Variants in PAFAH1B1 observed in about 807,000 individuals in gnomAD.
PAFAH1B1 encodes the protein platelet-activating factor acetylhydrolase IB subunit beta.
A neutral mutation model predicts 57.5 loss-of-function variants in PAFAH1B1; 2 were observed. The observed-to-expected ratio is 0.03, with a 90% CI of 0.01 to 0.11. The LOEUF is 0.11. Ranked by LOEUF, PAFAH1B1 falls within the 10% of genes least tolerant of loss-of-function variation. PAFAH1B1 has a pLI of 1.00. For synonymous variants in PAFAH1B1, 152 were observed against 169.6 expected (o/e 0.90, Z 0.81); for missense variants, 257 against 512.0 (o/e 0.50, Z 4.81).
Position 2,649,343 on chromosome 17 carries a change from C to T in PAFAH1B1, c.32+11023C>T, listed in dbSNP as rs750491541. Among the ~76,000 whole-genome samples, 5 of 151,904 alleles carry T rather than the reference C, an allele frequency of 3.3e-5. 1 individual carries two copies. Among genetic ancestry groups the T allele is most frequent in the Admixed American group, 2.0e-4 (3 of 15,216 alleles). ...ATCCCAGCATTTTGGAAGGCCGAGGCGGGTGAATCACCTAAGATAAGGAGT... is the reference window on the plus strand; with the variant it reads ...ATCCCAGCATTTTGGAAGGCCGAGGTGGGTGAATCACCTAAGATAAGGAGT... On this transcript the variant is annotated intron_variant, in intron 2 of 10. Coordinates refer to ENST00000397195, the MANE Select transcript of PAFAH1B1 (RefSeq NM_000430.4).
chr17:2,666,066 A>G lies in PAFAH1B1; in HGVS notation c.168A>G (p.Thr56=). The G allele has an allele frequency of 6.6e-7, 1 of 1,517,660 alleles. No homozygotes were observed. The highest frequency in any genetic ancestry group is 9.0e-7 in the Non-Finnish European group (1 of 1,107,622). 94.0% of individuals were successfully genotyped at this position (1,517,660 alleles called of 1,614,324 possible). A position where few individuals can be genotyped will look rare whatever the true frequency, so the allele number is the denominator to read the frequency against. ...KYAGLLEKKW[T]SVIRLQKKVM... is the part of the protein sequence containing the mutation. ...CTGGTCTTTTGGAAAAAAAATGGAC[A>G]TCTGTTATTAGATTACAAAAGAAGG... The change falls in exon 4 of 11, where the codon ACA becomes ACG. Residue 56 remains threonine (T), a synonymous_variant. Transcript: ENST00000397195.
intron 1 of PAFAH1B1, among the ~76,000 whole-genome samples, chr17:2,604,868 A>G (rs1421106934): frequency 6.6e-6 from 1 of 152,208 alleles, no homozygotes; most frequent in Non-Finnish European, 1.5e-5. Context: ...GAACAGCAAC[A>G]TAAATAGTCA....
At chr17:2,665,261 A>C (rs1169823797) in intron 2 of PAFAH1B1, 111 bp from the exon 3 acceptor site, 7 of 711,886 alleles carry the variant, frequency 9.8e-6, no homozygotes, top group Non-Finnish European at 1.8e-5. Context: ...TTTGAAAGGG[A>C]ATACTCTTGA....
intron 1 of PAFAH1B1, among the ~76,000 whole-genome samples, chr17:2,596,521 C>T (rs1335239101): frequency 6.6e-6 from 1 of 151,902 alleles, no homozygotes; most frequent in Non-Finnish European, 1.5e-5. Context: ...ATTTTAATGC[C>T]CTGTATCAAG....
intron 1 of PAFAH1B1, among the ~76,000 whole-genome samples, chr17:2,634,875 C>T (rs933973847): frequency 6.6e-6 from 1 of 152,086 alleles, no homozygotes; most frequent in Admixed American, 6.6e-5. Context: ...ATGTAAAGAC[C>T]AAGTCCAGCC....
At chr17:2,597,403 C>CTTTTTTTTTTTTT (rs1187594089) in intron 1 of PAFAH1B1, among the ~76,000 whole-genome samples, 2 of 64,350 alleles carry the variant, frequency 3.1e-5, no homozygotes, top group Non-Finnish European at 5.6e-5. Flanking sequence ...ACATCCGTGT[C>CTTTTTTTTTTTTT]TTTTTTTTTT....
At chr17:2,630,565 G>A (rs962563457) in intron 1 of PAFAH1B1, among the ~76,000 whole-genome samples, 2 of 152,154 alleles carry the variant, frequency 1.3e-5, no homozygotes, top group Non-Finnish European at 2.9e-5. Flanking sequence ...CTTAACTTTG[G>A]ATAACCTGAT....
rs1384537011 is a variant in PAFAH1B1, at chr17:2,683,131, T to G, written c.*1329T>G. The G allele has an allele frequency of 6.6e-6, 1 of 152,228 alleles. No homozygotes were observed. Among genetic ancestry groups the G allele is most frequent in the Non-Finnish European group, 1.5e-5 (1 of 68,038 alleles). The allele number at this position is 152,228 out of a possible 1,614,324, so 9.4% of individuals were successfully genotyped here. On this transcript the variant is annotated 3_prime_UTR_variant, in exon 11 of 11. Coordinates refer to ENST00000397195, the MANE Select transcript of PAFAH1B1 (RefSeq NM_000430.4). The stretch of plus-strand genomic sequence containing the variant: ...TTTTTTCCAGCCGAAGGAAAATCAC[T>G]TCCGTTATGTCCCCCTCTAATTTAG...
intron 2 of PAFAH1B1, chr17:2,639,838 C>G (rs1421798265): frequency 1.3e-5 from 2 of 152,086 alleles, no homozygotes; most frequent in Non-Finnish European, 2.9e-5. Flanking sequence ...CTTCGTGATC[C>G]TCCTGCTTTG....
At chr17:2,613,817 C>T in intron 1 of PAFAH1B1, 1 of 284,146 alleles carries the variant, frequency 3.5e-6, no homozygotes. Context: ...CGAGCATCTC[C>T]ACTCGGGCAG....
In PAFAH1B1 at chr17:2,681,896, G is replaced by T. The variant is rs1248981384; in HGVS notation, c.*94G>T. The stretch of plus-strand genomic sequence containing the variant: ...ATTGAGCTCTGTTTAAATAAATATT[G>T]TCCTTTCATGTAAATTATTCTGGAT... On this transcript the variant is annotated 3_prime_UTR_variant, in exon 11 of 11. Coordinates refer to ENST00000397195, the MANE Select transcript of PAFAH1B1 (RefSeq NM_000430.4). 4 of 831,324 alleles carry T rather than the reference G, an allele frequency of 4.8e-6. No individual in the cohort carries two copies. In the East Asian group the frequency reaches 1.1e-4, roughly 22 times the overall value. The allele number at this position is 831,324 out of a possible 1,614,324, so 51.5% of individuals were successfully genotyped here. A position where few individuals can be genotyped will look rare whatever the true frequency, so the allele number is the denominator to read the frequency against.
intron 5 of PAFAH1B1, among the ~76,000 whole-genome samples, chr17:2,667,893 C>T (rs955518039): frequency 8.6e-5 from 13 of 151,578 alleles, no homozygotes; most frequent in Middle Eastern, 3.4e-3. Context: ...GCCTTTGTTC[C>T]GGACACAATA....
At position 2,667,112 on chromosome 17, in the gene PAFAH1B1, A is replaced by C. The variant is rs1210768389; in HGVS notation, c.313A>C (p.Ser105Arg). ...IPRPPEKYALSGHRSPVTRVI... is the reference protein window; with the variant it reads ...IPRPPEKYALRGHRSPVTRVI... ...CCGTCCGCCAGAAAAATATGCATTG[A>C]GTGGTCACAGGAGTCCAGTCACTCG... The change falls in exon 5 of 11, where the codon AGT becomes CGT. Residue 105 changes from serine to arginine, a missense_variant. Ser to Arg is a moderately radical substitution (Grantham distance 110). Transcript: ENST00000397195. The C allele has an allele frequency of 6.2e-7, 1 of 1,613,764 alleles. No individual in the cohort carries two copies. The highest frequency in any genetic ancestry group is 8.5e-7 in the Non-Finnish European group (1 of 1,179,798).
chr17:2,593,747 C>CGAGAAG lies in PAFAH1B1; in HGVS notation c.-440_-435dup, dbSNP rs2068049434. 1 of 377,646 alleles carries CGAGAAG rather than the reference C, an allele frequency of 2.6e-6. No homozygotes were observed. Among genetic ancestry groups the CGAGAAG allele is most frequent in the Non-Finnish European group, 4.7e-6 (1 of 213,194 alleles). 23.4% of individuals were successfully genotyped at this position (377,646 alleles called of 1,614,324 possible). A position where few individuals can be genotyped will look rare whatever the true frequency, so the allele number is the denominator to read the frequency against. The stretch of plus-strand genomic sequence containing the variant: ...AGCAGCGACACGGGAGTCTAGGGAG[C>CGAGAAG]GAGAAGGAGAAGGAGGGGAGCGCTC... On this transcript the variant is annotated 5_prime_UTR_variant, in exon 1 of 11. Transcript: ENST00000397195.
At chr17:2,674,472 A>T (rs774338023) in intron 8 of PAFAH1B1, among the ~76,000 whole-genome samples, 184 bp downstream of exon 8, 9 of 152,194 alleles carry the variant, frequency 5.9e-5, no homozygotes, top group Non-Finnish European at 1.2e-4. Context: ...ACCAGTGATG[A>T]TTATTGCTGT....
At chr17:2,680,642 A>G (rs1469448734) in intron 10 of PAFAH1B1, among the ~76,000 whole-genome samples, 2 of 152,208 alleles carry the variant, frequency 1.3e-5, no homozygotes, top group African/African-American at 4.8e-5. Flanking sequence ...CTCAAACAAA[A>G]TCTTCCTCAA....
chr17:2,679,556 AGATG>A (rs1452507265), intron 9 of PAFAH1B1: 1 of 128,588 alleles, frequency 7.8e-6, no homozygotes, highest in Non-Finnish European at 1.6e-5. Flanking sequence ...ATGGATGATT[AGATG>A]GATGATTAGA....
chr17:2,658,417 G>A (rs750086065), intron 2 of PAFAH1B1, among the ~76,000 whole-genome samples: 5 of 152,112 alleles, frequency 3.3e-5, no homozygotes, highest in Admixed American at 6.6e-5. Context: ...AAATTTAATC[G>A]AAATACGAGA....
At chr17:2,623,308 C>T (rs574351475) in intron 1 of PAFAH1B1, among the ~76,000 whole-genome samples, 30 of 140,768 alleles carry the variant, frequency 2.1e-4, no homozygotes, top group Non-Finnish European at 2.7e-4. Flanking sequence ...CTCACTCTGT[C>T]GCCCGGGCTG....
Sources: gnomAD v4.1 joint callset for allele counts (sites outside exome capture counted in the v4.1 genomes callset) on GRCh38, gnomAD v4.1.1 for gene constraint, MANE v1.5 for transcripts, NCBI Gene and HGNC (gene_info 2026-07-23, HGNC 2026-07-21) for gene names.